Variants in RGS6 observed in about 807,000 individuals in gnomAD.
RGS6 encodes regulator of G-protein signaling 6.
Under a neutral mutation model 78.5 loss-of-function variants are expected in RGS6, and 30 were observed. The observed-to-expected ratio is 0.38, with a 90% CI of 0.29 to 0.52. RGS6 has a LOEUF of 0.52. RGS6 is among the 20% of genes least tolerant of loss of function. RGS6 has a pLI of 0.85. For missense variants in RGS6, 495 were observed against 609.7 expected (o/e 0.81, Z 1.98); for synonymous variants, 206 against 206.0 (o/e 1.00, Z 0.00).
intron 3 of RGS6, among the ~76,000 whole-genome samples, chr14:72,425,814 G>A (rs183628688): frequency 5.4e-4 from 82 of 152,238 alleles, no homozygotes; most frequent in Middle Eastern, 6.8e-3. Context: ...ATTATAGGAG[G>A]CATAAAAAGT....
intron 3 of RGS6, among the ~76,000 whole-genome samples, chr14:72,409,698 T>G (rs1388264373): frequency 6.6e-6 from 1 of 152,138 alleles, no homozygotes; most frequent in Admixed American, 6.6e-5. Context: ...TATCTCTCAG[T>G]GCTATCCCTC....
chr14:72,111,799 T>A (rs2095769645), intron 2 of RGS6, among the ~76,000 whole-genome samples: 1 of 152,146 alleles, frequency 6.6e-6, no homozygotes, highest in Non-Finnish European at 1.5e-5. Context: ...TCAAAAGGGA[T>A]CCTCAGAGGA....
rs187565439 is a variant in RGS6, at chr14:72,316,298, A to G, written c.85-35797A>G. Among the ~76,000 whole-genome samples the G allele has an allele frequency of 5.8e-3, 878 of 152,284 alleles. 5 individuals carry two copies. Among genetic ancestry groups the G allele is most frequent in the Non-Finnish European group, 9.1e-3 (621 of 68,018 alleles). The stretch of plus-strand genomic sequence containing the variant: ...CATGTGCACAATGTGCAGGTTTGTT[A>G]CATATGTATACATGTGCCATGTTGG... On this transcript the variant is annotated intron_variant, in intron 2 of 17. Coordinates refer to ENST00000553525, the MANE Select transcript of RGS6 (RefSeq NM_001204424.2).
chr14:72,136,929 T>C (rs555234432), intron 2 of RGS6, among the ~76,000 whole-genome samples: 39 of 152,218 alleles, frequency 2.6e-4, no homozygotes, highest in Non-Finnish European at 3.8e-4. Flanking sequence ...CCTGGAGATA[T>C]GTTATCCCAT....
chr14:72,541,929 T>G (rs1001052315), intron 17 of RGS6, among the ~76,000 whole-genome samples: 3 of 152,090 alleles, frequency 2.0e-5, no homozygotes, highest in African/African-American at 7.2e-5. Flanking sequence ...GAAGTGGTGT[T>G]GGCTTGGGGG....
intron 2 of RGS6, among the ~76,000 whole-genome samples, chr14:72,010,102 T>A (rs1441532412): frequency 6.6e-6 from 1 of 152,234 alleles, no homozygotes; most frequent in Non-Finnish European, 1.5e-5. Flanking sequence ...TTTTACTCAC[T>A]TCTTAGGTCC....
chr14:72,324,312 A>G (rs967338304), intron 2 of RGS6, among the ~76,000 whole-genome samples: 1 of 152,236 alleles, frequency 6.6e-6, no homozygotes, highest in African/African-American at 2.4e-5. Context: ...CAAACACCAT[A>G]AACAAAATCA....
intron 3 of RGS6, among the ~76,000 whole-genome samples, chr14:72,443,933 T>C (rs2095288191): frequency 6.6e-6 from 1 of 152,196 alleles, no homozygotes. Context: ...CGATCCTCCA[T>C]CTTCCTGCAC....
chr14:72,125,833 C>G (rs1319957097), intron 2 of RGS6, among the ~76,000 whole-genome samples: 1 of 152,194 alleles, frequency 6.6e-6, no homozygotes, highest in Non-Finnish European at 1.5e-5. Context: ...GACATTCATA[C>G]AGGCCTAGTT....
chr14:71,996,186 AC>A (rs2095198593), intron 2 of RGS6, among the ~76,000 whole-genome samples: 1 of 150,270 alleles, frequency 6.7e-6, no homozygotes, highest in Non-Finnish European at 1.5e-5. Context: ...TGGGACACTG[AC>A]AAAGCCCAGA....
the RGS6 span, among the ~76,000 whole-genome samples, chr14:72,617,634 G>C: frequency 5.3e-5 from 8 of 152,164 alleles, no homozygotes; most frequent in African/African-American, 1.4e-4. Flanking sequence ...GCTGAAGCGT[G>C]GGGGAGACCC....
At chr14:72,446,021 G>T (rs2095354748) in intron 3 of RGS6, among the ~76,000 whole-genome samples, 1 of 152,160 alleles carries the variant, frequency 6.6e-6, no homozygotes, top group South Asian at 2.1e-4. Flanking sequence ...CACTTTGGGA[G>T]GCCAAGGCAG....
At chr14:71,934,185 C>G (rs1223913336) in intron 1 of RGS6, among the ~76,000 whole-genome samples, 1 of 152,126 alleles carries the variant, frequency 6.6e-6, no homozygotes, top group Non-Finnish European at 1.5e-5. Flanking sequence ...AGAGAGAAAC[C>G]TTTGCAAGCC....
At chr14:72,601,057 A>AGGAGGAGGG in the RGS6 span, among the ~76,000 whole-genome samples, 1 of 143,614 alleles carries the variant, frequency 7.0e-6, no homozygotes, top group Non-Finnish European at 1.5e-5. Flanking sequence ...GGGGAAGAGG[A>AGGAGGAGGG]GGAGGAGGGG....
chr14:72,336,236 A>G (rs912770009), intron 2 of RGS6, among the ~76,000 whole-genome samples: 7 of 152,178 alleles, frequency 4.6e-5, no homozygotes, highest in African/African-American at 1.4e-4. Context: ...TGTCATCTTA[A>G]AACAAATGAA....
At chr14:72,358,033 T>C (rs2080703586) in intron 3 of RGS6, among the ~76,000 whole-genome samples, 1 of 152,168 alleles carries the variant, frequency 6.6e-6, no homozygotes, top group Non-Finnish European at 1.5e-5. Flanking sequence ...GGGGTCAAGG[T>C]ACAGCTCGGG....
At chr14:71,891,879 T>C in the RGS6 span, among the ~76,000 whole-genome samples, 1 of 152,088 alleles carries the variant, frequency 6.6e-6, no homozygotes, top group Non-Finnish European at 1.5e-5. Flanking sequence ...ACAAATCACC[T>C]TAGGTGTCTC....
At chr14:72,591,219 G>A in the RGS6 span, among the ~76,000 whole-genome samples, 1 of 152,042 alleles carries the variant, frequency 6.6e-6, no homozygotes, top group African/African-American at 2.4e-5. Context: ...ATATAAAGAA[G>A]CAAAATTATG....
intron 3 of RGS6, among the ~76,000 whole-genome samples, chr14:72,395,795 C>G (rs1323903206): frequency 6.7e-6 from 1 of 150,064 alleles, no homozygotes; most frequent in African/African-American, 2.5e-5. Flanking sequence ...TGGTTTTTTT[C>G]CCTTGCGATA....
Sources: gnomAD v4.1 joint callset for allele counts (sites outside exome capture counted in the v4.1 genomes callset) on GRCh38, gnomAD v4.1.1 for gene constraint, MANE v1.5 for transcripts, NCBI Gene and HGNC (gene_info 2026-07-23, HGNC 2026-07-21) for gene names.